Variants in ADAMTSL1 observed in about 807,000 individuals in gnomAD.
ADAMTSL1 encodes the protein ADAMTS-like protein 1.
ADAMTSL1 carries 126 observed loss-of-function variants against 201.8 expected under a neutral mutation model. That is an observed-to-expected ratio of 0.62 (90% CI 0.54 to 0.72). The LOEUF (loss-of-function observed/expected upper bound fraction) is 0.72. Among genes scored for constraint, ADAMTSL1 ranks in the 30% least tolerant of loss-of-function variants. ADAMTSL1 has a pLI of 0.00. For missense variants in ADAMTSL1, 2,679 were observed against 2,277.8 expected (o/e 1.18, Z -3.59); for synonymous variants, 1,121 against 903.4 (o/e 1.24, Z -4.32).
chr9:18,321,837 T>G (rs982241063), intron 2 of ADAMTSL1, among the ~76,000 whole-genome samples: 1 of 152,098 alleles, frequency 6.6e-6, no homozygotes, highest in Non-Finnish European at 1.5e-5. Context: ...CAGTTTTAAG[T>G]GCATTCTTTT....
intron 2 of ADAMTSL1, among the ~76,000 whole-genome samples, chr9:18,453,281 G>A (rs893938191): frequency 1.3e-5 from 2 of 152,156 alleles, no homozygotes; most frequent in African/African-American, 4.8e-5. Context: ...ACAAGCCTGT[G>A]GAGGGTGCCT....
chr9:18,299,239 C>T (rs1478229596), intron 2 of ADAMTSL1, among the ~76,000 whole-genome samples: 1 of 152,102 alleles, frequency 6.6e-6, no homozygotes, highest in East Asian at 1.9e-4. Flanking sequence ...CACCTGGCTT[C>T]TGAGCCGCCA....
intron 7 of ADAMTSL1, among the ~76,000 whole-genome samples, chr9:18,655,819 A>AAAAAAAAAAAAATAAAAT (rs1828614463): frequency 9.9e-6 from 1 of 101,044 alleles, no homozygotes; most frequent in Non-Finnish European, 2.5e-5. Context: ...AAAAAAAAAA[A>AAAAAAAAAAAAATAAAAT]AAAAAAAAAA....
At chr9:18,273,125 G>T (rs1193582258) in intron 2 of ADAMTSL1, among the ~76,000 whole-genome samples, 1 of 152,190 alleles carries the variant, frequency 6.6e-6, no homozygotes, top group South Asian at 2.1e-4. Flanking sequence ...TGTTACCCAG[G>T]CTGGAATGTG....
At chr9:18,797,694 T>C (rs1822515428) in intron 20 of ADAMTSL1, among the ~76,000 whole-genome samples, 1 of 152,208 alleles carries the variant, frequency 6.6e-6, no homozygotes, top group Non-Finnish European at 1.5e-5. Context: ...GGACAAAGTA[T>C]ATAACCTCAT....
At chr9:18,204,309 T>A (rs569286239) in intron 2 of ADAMTSL1, among the ~76,000 whole-genome samples, 1 of 152,038 alleles carries the variant, frequency 6.6e-6, no homozygotes, top group Admixed American at 6.6e-5. Context: ...TGAAATCTGA[T>A]GGTTATATAG....
chr9:18,018,276 T>G (rs918044031), intron 1 of ADAMTSL1, among the ~76,000 whole-genome samples: 2 of 152,034 alleles, frequency 1.3e-5, no homozygotes, highest in African/African-American at 4.8e-5. Flanking sequence ...GTTTTAAGCA[T>G]TTTTTATGTT....
chr9:18,701,202 C>CTTTTGG (rs1231035810), intron 13 of ADAMTSL1, among the ~76,000 whole-genome samples: 1 of 137,818 alleles, frequency 7.3e-6, no homozygotes, highest in African/African-American at 2.6e-5. Flanking sequence ...AATCAGTAAT[C>CTTTTGG]TTTTGGGTTC....
intron 9 of ADAMTSL1, among the ~76,000 whole-genome samples, chr9:18,671,159 C>T (rs562968613): frequency 1.3e-5 from 2 of 152,144 alleles, no homozygotes; most frequent in Admixed American, 1.3e-4. Flanking sequence ...ACGCAGGACC[C>T]ATGGATATAA....
intron 2 of ADAMTSL1, among the ~76,000 whole-genome samples, chr9:18,462,317 T>C (rs1029401419): frequency 2.0e-5 from 3 of 152,212 alleles, no homozygotes; most frequent in African/African-American, 7.2e-5. Flanking sequence ...CTTCAACGAA[T>C]ACTTGATCAT....
intron 7 of ADAMTSL1, among the ~76,000 whole-genome samples, chr9:18,650,266 G>A (rs1256653991): frequency 6.6e-6 from 1 of 152,244 alleles, no homozygotes; most frequent in Non-Finnish European, 1.5e-5. Flanking sequence ...TTGGGTGGGA[G>A]TGACCCGATT....
At chr9:18,208,843 A>C (rs1272475642) in intron 2 of ADAMTSL1, among the ~76,000 whole-genome samples, 1 of 152,198 alleles carries the variant, frequency 6.6e-6, no homozygotes, top group East Asian at 1.9e-4. Context: ...TTAATGTTTA[A>C]CTTTACCTAT....
rs16936291 is a variant in ADAMTSL1, at chr9:18,073,235, T to G, written c.88-90627T>G. Reference sequence around the variant, plus strand: ...GTAACCCCCAAAGTGCATGACATACTGCAATTCATCACTTGAATTGTGGGC... The same window carrying G: ...GTAACCCCCAAAGTGCATGACATACGGCAATTCATCACTTGAATTGTGGGC... On this transcript the variant is annotated intron_variant, in intron 1 of 29. Coordinates refer to the ADAMTSL1 transcript ENST00000680146. Among the ~76,000 whole-genome samples the G allele has an allele frequency of 7.1e-3, 1,087 of 152,278 alleles. 19 individuals are homozygous for G. Among genetic ancestry groups the G allele is most frequent in the African/African-American group, 0.024 (1,015 of 41,566 alleles).
At chr9:18,024,396 C>T (rs971123956) in intron 1 of ADAMTSL1, among the ~76,000 whole-genome samples, 1 of 151,932 alleles carries the variant, frequency 6.6e-6, no homozygotes, top group African/African-American at 2.4e-5. Flanking sequence ...TAGGTAGCTT[C>T]TCATCCCTTA....
intron 2 of ADAMTSL1, among the ~76,000 whole-genome samples, chr9:18,319,479 G>A (rs1163293896): frequency 2.0e-5 from 3 of 151,908 alleles, no homozygotes; most frequent in African/African-American, 4.8e-5. Flanking sequence ...AAAAACCAAG[G>A]GATTTAAAGG....
chr9:17,979,240 A>G (rs866157758), intron 1 of ADAMTSL1, among the ~76,000 whole-genome samples: 2 of 151,916 alleles, frequency 1.3e-5, no homozygotes, highest in South Asian at 4.2e-4. Context: ...TCCAGTCATT[A>G]TTTCTTTATA....
chr9:18,785,181 T>A (rs1233600178), intron 19 of ADAMTSL1, among the ~76,000 whole-genome samples: 1 of 151,250 alleles, frequency 6.6e-6, no homozygotes, highest in Non-Finnish European at 1.5e-5. Context: ...AAAAACTTAA[T>A]GGAGCTGGGA....
chr9:18,650,799 GT>G (rs1464180890), intron 7 of ADAMTSL1, among the ~76,000 whole-genome samples: 2 of 152,128 alleles, frequency 1.3e-5, no homozygotes, highest in Non-Finnish European at 2.9e-5. Context: ...GTCAATGCCA[GT>G]TTAGTGTGGT....
At chr9:18,479,858 A>G (rs1821634467) in intron 1 of ADAMTSL1, among the ~76,000 whole-genome samples, 1 of 152,226 alleles carries the variant, frequency 6.6e-6, no homozygotes, top group Admixed American at 6.5e-5. Flanking sequence ...GTCAGCATTC[A>G]TTTTACATGT....
Sources: gnomAD v4.1 joint callset for allele counts (sites outside exome capture counted in the v4.1 genomes callset) on GRCh38, gnomAD v4.1.1 for gene constraint, MANE v1.5 for transcripts, NCBI Gene and HGNC (gene_info 2026-07-23, HGNC 2026-07-21) for gene names.